The following TTC3 variants were observed in gnomAD, a reference collection of about 807,000 sequenced individuals.
TTC3 encodes tetratricopeptide repeat domain 3, also known as E3 ubiquitin-protein ligase TTC3.
TTC3 carries 180 observed loss-of-function variants against 249.6 expected under a neutral mutation model. The ratio of observed to expected loss-of-function variants is 0.72; its 90% CI spans 0.64 to 0.82. The LOEUF (loss-of-function observed/expected upper bound fraction) is 0.82. TTC3 is among the 40% of genes least tolerant of loss of function. The probability of loss-of-function intolerance (pLI) is 0.00; values close to 1 mark genes in which losing one functional copy is unlikely to be tolerated. For synonymous variants in TTC3, 717 were observed against 805.0 expected, an observed-to-expected ratio of 0.89 and a Z score of 1.85; for missense variants, 2,061 against 2,398.4, an observed-to-expected ratio of 0.86 and a Z score of 2.94.
chr21:37,166,537 TAAC>T lies in TTC3; in HGVS notation c.4329_4331del (p.Asn1443del), dbSNP rs765681568. 1.2e-5 allele frequency: 19 copies of T among 1,614,038 alleles called. No individual in the cohort carries two copies. The East Asian group carries it at 3.6e-4, about 30-fold the overall frequency. On this transcript the variant is annotated inframe_deletion, in exon 33 of 46. Coordinates refer to ENST00000355666, the Ensembl canonical transcript of TTC3. ...GAAATGATGAGCACTGTGGAAATTC[TAAC>T]AACAAATGTGAAGTAATTCCAGAAA...
At chr21:37,149,263 T>C (rs1439121053) in intron 23 of TTC3, among the ~76,000 whole-genome samples, 3 of 152,202 alleles carry the variant, frequency 2.0e-5, no homozygotes, top group Admixed American at 1.3e-4. Flanking sequence ...ATGGACCTTT[T>C]CCTACACTTC....
At chr21:37,073,621 G>A in intron 1 of TTC3, 148 bp downstream of exon 1, 1 of 475,790 alleles carries the variant, frequency 2.1e-6, no homozygotes, top group Non-Finnish European at 2.7e-6. Context: ...CCCTTCGCGA[G>A]CGAGGCCCTG....
intron 11 of TTC3, among the ~76,000 whole-genome samples, chr21:37,109,594 T>C (rs934579497): frequency 2.6e-5 from 4 of 152,264 alleles, no homozygotes; most frequent in South Asian, 4.1e-4. Context: ...CCACCACAGC[T>C]CAAGGAGGCC....
chr21:37,076,215 T>C (rs1459393145), intron 1 of TTC3, among the ~76,000 whole-genome samples: 1 of 152,256 alleles, frequency 6.6e-6, no homozygotes, highest in African/African-American at 2.4e-5. Flanking sequence ...TGGGACTTGC[T>C]TATTTCACTT....
chr21:37,114,750 G>T (rs8130230), intron 11 of TTC3, among the ~76,000 whole-genome samples: 4 of 151,266 alleles, frequency 2.6e-5, no homozygotes, highest in East Asian at 3.9e-4. Context: ...TATTGTGGCA[G>T]TATTCACAAT....
chr21:37,183,673 G>C (rs2082963905), intron 36 of TTC3, among the ~76,000 whole-genome samples: 1 of 151,990 alleles, frequency 6.6e-6, no homozygotes, highest in Non-Finnish European at 1.5e-5. Flanking sequence ...GGGTGGCTTG[G>C]CCTCACTTTC....
At chr21:37,103,287 G>C (rs1309934676) in intron 10 of TTC3, among the ~76,000 whole-genome samples, 1 of 152,222 alleles carries the variant, frequency 6.6e-6, no homozygotes, top group Non-Finnish European at 1.5e-5. Context: ...AGAGCAATAA[G>C]TTGGAGCACC....
chr21:37,159,887 A>G (rs1363634626), intron 29 of TTC3, 142 bp downstream of exon 29: 3 of 578,062 alleles, frequency 5.2e-6, no homozygotes, highest in East Asian at 6.5e-5. Context: ...AGTACGTACT[A>G]TTATTCATTA....
intron 27 of TTC3, among the ~76,000 whole-genome samples, chr21:37,154,588 A>G (rs1408800176): frequency 6.6e-6 from 1 of 152,260 alleles, no homozygotes. Flanking sequence ...TACACGGTCA[A>G]GACTGCCAGC....
intron 10 of TTC3, among the ~76,000 whole-genome samples, chr21:37,103,874 T>TA (rs1851992108): frequency 6.6e-6 from 1 of 152,156 alleles, no homozygotes; most frequent in South Asian, 2.1e-4. Flanking sequence ...TTGTAGGCTG[T>TA]GTTAAGGCTT....
At position 37,175,929 on chromosome 21, in the gene TTC3, C is replaced by A. The variant is rs2082245038; in HGVS notation, c.4617+3185C>A. Among the ~76,000 whole-genome samples, 4 of 152,032 alleles carry A rather than the reference C, an allele frequency of 2.6e-5. No individual in the cohort carries two copies. In the South Asian group the frequency reaches 8.3e-4, roughly 32 times the overall value. On this transcript the variant is annotated intron_variant, in intron 35 of 45. Transcript: ENST00000355666. Reference sequence around the variant, plus strand: ...GGATTACAGGCTGCACGCCACCAAGCCTGGCTAATTTTTGTATTTTTAGTA... The same window carrying A: ...GGATTACAGGCTGCACGCCACCAAGACTGGCTAATTTTTGTATTTTTAGTA...
At chr21:37,112,912 A>G (rs1341439257) in intron 11 of TTC3, among the ~76,000 whole-genome samples, 1 of 152,266 alleles carries the variant, frequency 6.6e-6, no homozygotes, top group African/African-American at 2.4e-5. Flanking sequence ...AATGTAATCC[A>G]GCATATAAAC....
chr21:37,090,182 A>G, intron 5 of TTC3, 51 bp from the exon 6 acceptor site: 1 of 1,412,080 alleles, frequency 7.1e-7, no homozygotes, highest in Non-Finnish European at 9.9e-7. Context: ...TAGAAAATTC[A>G]AGTAGAATTG....
chr21:37,135,652 G>C (rs1363386434), intron 18 of TTC3, 138 bp downstream of exon 18: 2 of 1,029,040 alleles, frequency 1.9e-6, no homozygotes, highest in African/African-American at 3.2e-5. Flanking sequence ...TCAGGTTATG[G>C]GAAGCAGGTA....
exon 20 of TTC3, chr21:37,140,655 T>C (rs1363409748): frequency 2.5e-6 from 4 of 1,608,710 alleles, no homozygotes; most frequent in Non-Finnish European, 2.5e-6. Flanking sequence ...ATTGGAAAAG[T>C]ATATTTGAAA....
chr21:37,198,549 G>A (rs893019589), intron 44 of TTC3, among the ~76,000 whole-genome samples: 1 of 152,200 alleles, frequency 6.6e-6, no homozygotes, highest in Non-Finnish European at 1.5e-5. Context: ...TATAAAAGCT[G>A]ACTTACTGAA....
intron 19 of TTC3, among the ~76,000 whole-genome samples, chr21:37,139,183 G>A (rs1216127289): frequency 6.6e-6 from 1 of 152,076 alleles, no homozygotes; most frequent in Non-Finnish European, 1.5e-5. Context: ...ACCTGGGGAG[G>A]TTTCGTGTTA....
chr21:37,081,352 G>A (rs776317382), intron 1 of TTC3, among the ~76,000 whole-genome samples: 2 of 152,052 alleles, frequency 1.3e-5, no homozygotes, highest in Non-Finnish European at 2.9e-5. Context: ...TCTTGACCTC[G>A]TGATCTGTCC....
intron 34 of TTC3, among the ~76,000 whole-genome samples, chr21:37,169,072 A>G (rs577390141): frequency 4.2e-5 from 1 of 23,872 alleles, no homozygotes; most frequent in African/African-American, 1.9e-4. Flanking sequence ...GGAAGTCACA[A>G]ATTATCACTT....
Sources: gnomAD v4.1 joint callset for allele counts (sites outside exome capture counted in the v4.1 genomes callset) on GRCh38, gnomAD v4.1.1 for gene constraint, MANE v1.5 for transcripts, NCBI Gene and HGNC (gene_info 2026-07-23, HGNC 2026-07-21) for gene names.